Variants in COPA observed in about 807,000 individuals in gnomAD.
COPA encodes the protein coat protein complex I subunit alpha.
In COPA, 10 loss-of-function variants were observed where a neutral mutation model predicts 158.7. The observed-to-expected ratio is 0.06, with a 90% CI of 0.04 to 0.11. The LOEUF is 0.11. Among genes scored for constraint, COPA ranks in the 10% least tolerant of loss-of-function variants. The pLI is 1.00. For missense variants in COPA, 1,065 were observed against 1,536.7 expected, an observed-to-expected ratio of 0.69 and a Z score of 5.13; for synonymous variants, 462 against 542.8, an observed-to-expected ratio of 0.85 and a Z score of 2.07.
rs764624600 is a variant in COPA at position 160,310,235 on chromosome 1, T to C, written c.1100A>G (p.Asn367Ser). 16 of 1,604,168 alleles carry C rather than the reference T, an allele frequency of 1.0e-5. No individual in the cohort carries two copies. In the Admixed American group the frequency reaches 2.2e-4, roughly 22 times the overall value. The change falls in exon 12 of 33, where the codon AAT becomes AGT. Residue 367 changes from asparagine (N) to serine (S), a missense_variant. This residue lies in a region of COPA where 980 missense variants were observed against 1,357.8 expected (regional missense o/e 0.72). Transcript: ENST00000241704. Reference protein sequence around the residue: ...LRSGSKFPVFNMSYNPAENAV... With the variant: ...LRSGSKFPVFSMSYNPAENAV... Reference sequence around the variant, plus strand: ...ATTTTCTGCTGGATTGTATGACATATTGAATACTGGAAACTTGGAACCACT... The same window carrying C: ...ATTTTCTGCTGGATTGTATGACATACTGAATACTGGAAACTTGGAACCACT...
At chr1:160,320,608 C>CAAAAAAAAAA (rs56849348) in intron 8 of COPA, among the ~76,000 whole-genome samples, 2 of 15,500 alleles carry the variant, frequency 1.3e-4, no homozygotes, top group Admixed American at 1.0e-3. Context: ...GACTCCAACT[C>CAAAAAAAAAA]AAAAAAAAAA....
chr1:160,291,420 A>C lies in COPA; in HGVS notation c.3335T>G (p.Phe1112Cys). 6.2e-7 allele frequency: 1 copy of C among 1,614,142 alleles called. No homozygotes were observed. The change falls in exon 31 of 33, where the codon TTC becomes TGC. Residue 1112 changes from phenylalanine (F) to cysteine (C), a missense_variant. Physicochemically the swap from Phe to Cys is radical, Grantham distance 205. Around this residue, in one of 2 missense-constraint regions of COPA, gnomAD observed 980 missense variants for 1,357.8 expected, o/e 0.72. Transcript: ENST00000241704. The part of the protein sequence containing the change: ...ILVLRTALNL[F>C]FKLKNFKTAA... The stretch of plus-strand genomic sequence containing the variant: ...TGTCTTGAAGTTCTTGAGCTTGAAG[A>C]ACAGATTGAGGGCTGTACGCAGCAC...
At chr1:160,335,875 C>G (rs1647735204) in intron 3 of COPA, among the ~76,000 whole-genome samples, 1 of 116,140 alleles carries the variant, frequency 8.6e-6, no homozygotes. Context: ...CAGAGCGAGA[C>G]TCAGTCTCAA....
At chr1:160,301,355 T>C (rs2101831894) in intron 17 of COPA, among the ~76,000 whole-genome samples, 1 of 152,324 alleles carries the variant, frequency 6.6e-6, no homozygotes, top group South Asian at 2.1e-4. Context: ...GGATGTGGGA[T>C]GTTCAATCAG....
rs1658503907 is a variant in COPA, at chr1:160,298,972, T to C, written c.1850A>G (p.Asn617Ser). The stretch of plus-strand genomic sequence containing the variant: ...AATAGACTGGCCAACTAGTTTGGCA[T>C]TCCTCACCATGTGCAGTACCTAGAC... ...KYDEVLHMVRNAKLVGQSIIA... is the reference protein window; with the variant it reads ...KYDEVLHMVRSAKLVGQSIIA... The change falls in exon 19 of 33, where the codon AAT (asparagine) becomes AGT (serine). Residue 617 changes from asparagine (N) to serine (S), a missense_variant. Around this residue, in one of 2 missense-constraint regions of COPA, gnomAD observed 980 missense variants for 1,357.8 expected, o/e 0.72. Transcript: ENST00000241704. 3 of 1,614,152 alleles carry C rather than the reference T, an allele frequency of 1.9e-6. No homozygotes were observed.
intron 8 of COPA, among the ~76,000 whole-genome samples, chr1:160,320,373 G>A (rs779021098): frequency 6.6e-6 from 1 of 151,972 alleles, no homozygotes; most frequent in Non-Finnish European, 1.5e-5. Flanking sequence ...ACTTTGGGAG[G>A]TGGAGACAGG....
At chr1:160,309,333 A>G (rs1557866087) in intron 12 of COPA, among the ~76,000 whole-genome samples, 157 bp from the exon 13 acceptor site, 1 of 152,224 alleles carries the variant, frequency 6.6e-6, no homozygotes, top group African/African-American at 2.4e-5. Flanking sequence ...GACTGTTTCT[A>G]CATCTATGAG....
intron 21 of COPA, among the ~76,000 whole-genome samples, chr1:160,296,683 C>T (rs548200019): frequency 6.6e-6 from 1 of 152,328 alleles, no homozygotes; most frequent in South Asian, 2.1e-4. Flanking sequence ...TGGTTTTAAA[C>T]TACTAAATTT....
At chr1:160,298,025 A>G (rs1658470522) in intron 19 of COPA, among the ~76,000 whole-genome samples, 1 of 151,810 alleles carries the variant, frequency 6.6e-6, no homozygotes, top group African/African-American at 2.4e-5. Flanking sequence ...TAAAAATACA[A>G]AAAAAATTAG....
rs1357951395 is a variant in COPA, at chr1:160,317,685, G to C, written c.707-3560C>G. The C allele has an allele frequency of 4.7e-6, 7 of 1,487,538 alleles. No homozygotes were observed. In the Admixed American group the frequency reaches 1.2e-4, roughly 25 times the overall value. 92.1% of individuals were successfully genotyped at this position (1,487,538 alleles called of 1,614,324 possible). A position where few individuals can be genotyped will look rare whatever the true frequency, so the allele number is the denominator to read the frequency against. The stretch of plus-strand genomic sequence containing the variant: ...TGATTGAAGTTTATCAGGAACAAAT[G>C]GGGGGTCATTCAACAGTTTAGATAT... On this transcript the variant is annotated intron_variant, in intron 8 of 32. Coordinates refer to ENST00000241704, the MANE Select transcript of COPA (RefSeq NM_004371.4).
chr1:160,317,382 G>A (rs1037703171), intron 8 of COPA: 29 of 1,601,474 alleles, frequency 1.8e-5, no homozygotes, highest in Admixed American at 3.3e-5. Context: ...GGAGACCCCC[G>A]GGTGAAGCCA....
intron 7 of COPA, among the ~76,000 whole-genome samples, chr1:160,324,686 T>C (rs1046773903): frequency 1.3e-5 from 2 of 152,172 alleles, no homozygotes; most frequent in African/African-American, 2.4e-5. Flanking sequence ...TGACAGCTAA[T>C]AGAATGTGTG....
intron 1 of COPA, 78 bp from the exon 2 acceptor site, chr1:160,340,372 G>C: frequency 1.4e-5 from 13 of 909,306 alleles, no homozygotes; most frequent in Non-Finnish European, 2.3e-5. Context: ...ATAAGAAAAA[G>C]AAACATCAAG....
intron 3 of COPA, among the ~76,000 whole-genome samples, chr1:160,338,643 C>T (rs1379632401): frequency 6.6e-6 from 1 of 152,154 alleles, no homozygotes; most frequent in Non-Finnish European, 1.5e-5. Flanking sequence ...CCTCATTTCA[C>T]ACTAAGGCCT....
In COPA at chr1:160,309,102, A is replaced by G; in HGVS notation, c.1218T>C (p.Asp406=). ...IPKDADSQNP[D]APEGKRSSGL... is the part of the protein sequence containing the mutation. ...GGGGTAGACAAAAAGAACACTTACC[A>G]TCAGGATTCTGGGAGTCAGCATCTT... Residue 406 remains aspartate (D), a splice_region_variant and synonymous_variant, in exon 13 of 33, where the codon GAT becomes GAC. Transcript: ENST00000241704. 1 of 1,612,492 alleles carries G rather than the reference A, an allele frequency of 6.2e-7. No individual in the cohort carries two copies. The highest frequency in any genetic ancestry group is 1.1e-5 in the South Asian group (1 of 91,046).
At chr1:160,325,874 A>G (rs1473227133) in intron 6 of COPA, among the ~76,000 whole-genome samples, 6 of 152,220 alleles carry the variant, frequency 3.9e-5, no homozygotes, top group Admixed American at 2.0e-4. Context: ...AAACAGATCC[A>G]TTACTGGAAT....
At chr1:160,326,976 T>C (rs1356372803) in intron 6 of COPA, among the ~76,000 whole-genome samples, 2 of 152,240 alleles carry the variant, frequency 1.3e-5, no homozygotes, top group East Asian at 3.8e-4. Context: ...ACCAAAATTA[T>C]GATAGCACTG....
intron 6 of COPA, among the ~76,000 whole-genome samples, chr1:160,327,854 T>A (rs932873807): frequency 2.0e-5 from 3 of 152,154 alleles, no homozygotes; most frequent in African/African-American, 7.2e-5. Context: ...TGAAACTCCG[T>A]CTCAAAAAAA....
In COPA at chr1:160,294,541, T is replaced by C. The variant is rs1335692769; in HGVS notation, c.2619A>G (p.Gly873=). The part of the protein sequence containing the change: ...EGLGDDALGK[G]QEEGGGWDVE... ...CATCCCAGCCACCTCCTTCTTCCTGTCCCTTGCCAAGAGCATCATCCCCCA... is the reference window on the plus strand; with the variant it reads ...CATCCCAGCCACCTCCTTCTTCCTGCCCCTTGCCAAGAGCATCATCCCCCA... The change falls in exon 25 of 33, where the codon GGA becomes GGG. Residue 873 remains glycine (G), a synonymous_variant. Coordinates refer to ENST00000241704, the MANE Select transcript of COPA (RefSeq NM_004371.4). The C allele has an allele frequency of 1.2e-6, 2 of 1,614,054 alleles. No homozygotes were observed. The highest frequency in any genetic ancestry group is 3.3e-5 in the Admixed American group (2 of 60,000).
Sources: gnomAD v4.1 joint callset for allele counts (sites outside exome capture counted in the v4.1 genomes callset) on GRCh38, gnomAD v4.1.1 for gene constraint, gnomAD v4.1.1 regional missense constraint, MANE v1.5 for transcripts, NCBI Gene and HGNC (gene_info 2026-07-23, HGNC 2026-07-21) for gene names.